LNPEP: variants seen among roughly 807,000 people sequenced by gnomAD.
LNPEP encodes the protein leucyl and cystinyl aminopeptidase, also known as leucyl-cystinyl aminopeptidase.
Under a neutral mutation model 120.6 loss-of-function variants are expected in LNPEP, and 64 were observed. That is an observed-to-expected ratio of 0.53 (90% CI 0.43 to 0.65). The LOEUF (loss-of-function observed/expected upper bound fraction) is 0.65, where lower values mean the gene tolerates loss of function less well. LNPEP is among the 30% of genes least tolerant of loss of function. The probability of loss-of-function intolerance (pLI) is 0.00; values close to 1 mark genes in which losing one functional copy is unlikely to be tolerated. For synonymous variants in LNPEP, 435 were observed against 425.4 expected (o/e 1.02, Z -0.28); for missense variants, 1,057 against 1,200.0 (o/e 0.88, Z 1.76).
Position 96,936,132 on chromosome 5 carries a change from G to C in LNPEP, c.-24G>C, listed in dbSNP as rs746462070. On this transcript the variant is annotated 5_prime_UTR_variant, in exon 1 of 18. Coordinates refer to ENST00000231368, the MANE Select transcript of LNPEP (RefSeq NM_005575.3). ...AGTAGGAAGCTCGGGCGCTCCGGCT[G>C]TAAGGAGCCGCGGCGGGGGGAAAAT... 5.0e-5 allele frequency: 75 copies of C among 1,513,560 alleles called. No individual in the cohort carries two copies. The highest frequency in any genetic ancestry group is 6.1e-5 in the Non-Finnish European group (69 of 1,131,510). The allele number at this position is 1,513,560 out of a possible 1,614,324, so 93.8% of individuals were successfully genotyped here.
intron 1 of LNPEP, among the ~76,000 whole-genome samples, chr5:96,942,549 G>A (rs1789080340): frequency 2.0e-5 from 3 of 151,794 alleles, no homozygotes; most frequent in African/African-American, 7.3e-5. Context: ...AGCTACTCGG[G>A]AGGCTGAGGC....
At chr5:97,003,661 G>A (rs1790708450) in intron 9 of LNPEP, 115 bp downstream of exon 9, 2 of 602,912 alleles carry the variant, frequency 3.3e-6, no homozygotes, top group Non-Finnish European at 5.2e-6. Context: ...AGTTATTTAA[G>A]AAAGGGGGGG....
intron 8 of LNPEP, 144 bp downstream of exon 8, chr5:96,998,289 T>C (rs1056237811): frequency 1.5e-6 from 1 of 689,040 alleles, no homozygotes; most frequent in Admixed American, 3.9e-5. Flanking sequence ...TTTGCTTCTG[T>C]ATAAATCTTG....
chr5:96,985,660 T>G (rs2112615563), intron 3 of LNPEP, among the ~76,000 whole-genome samples: 1 of 152,264 alleles, frequency 6.6e-6, no homozygotes, highest in South Asian at 2.1e-4. Flanking sequence ...AACAGGAGCC[T>G]CTTTCTTAGA....
intron 6 of LNPEP, 57 bp from the exon 7 acceptor site, chr5:96,996,333 T>G: frequency 1.0e-6 from 1 of 967,724 alleles, no homozygotes; most frequent in African/African-American, 1.6e-5. Context: ...GCCAATTATT[T>G]AAAAAATTCC....
At chr5:97,019,156 ATTG>A (rs1791130536) in intron 13 of LNPEP, among the ~76,000 whole-genome samples, 2 of 152,276 alleles carry the variant, frequency 1.3e-5, no homozygotes, top group Non-Finnish European at 1.5e-5. Flanking sequence ...ATAATTTTAT[ATTG>A]TTGTTATTGC....
chr5:96,941,753 T>C (rs1789060642), intron 1 of LNPEP, among the ~76,000 whole-genome samples: 1 of 152,196 alleles, frequency 6.6e-6, no homozygotes, highest in South Asian at 2.1e-4. Context: ...ATTGTTGTAA[T>C]TCATTTGTGA....
intron 11 of LNPEP, among the ~76,000 whole-genome samples, chr5:97,013,381 ATC>A (rs1478581190): frequency 2.0e-5 from 3 of 152,048 alleles, no homozygotes; most frequent in African/African-American, 7.2e-5. Flanking sequence ...AGACTGTGAG[ATC>A]TCTAAAAGCA....
intron 1 of LNPEP, chr5:96,936,420 C>T: frequency 2.5e-6 from 1 of 394,312 alleles, no homozygotes. Context: ...GGGGTGCGGC[C>T]GGTGGGCAAA....
chr5:97,006,046 T>TTAGATA, intron 9 of LNPEP, 27 bp from the exon 10 acceptor site: 1 of 702,382 alleles, frequency 1.4e-6, no homozygotes, highest in South Asian at 5.7e-5. Context: ...GGAAAAAGTT[T>TTAGATA]TATATATATA....
chr5:96,987,548 A>G lies in LNPEP; in HGVS notation c.1131+878A>G, dbSNP rs116048056. Among the ~76,000 whole-genome samples the G allele has an allele frequency of 8.3e-3, 1,258 of 152,324 alleles. 23 individuals carry two copies. Among genetic ancestry groups the G allele is most frequent in the African/African-American group, 0.028 (1,181 of 41,578 alleles). On this transcript the variant is annotated intron_variant, in intron 4 of 17. Coordinates refer to ENST00000231368, the MANE Select transcript of LNPEP (RefSeq NM_005575.3). ...TATCATTTTGCTACTTCAAAAGGGT[A>G]TATGTTTCCTATTAGAAAAGACTAT...
chr5:96,946,947 T>C (rs1376031097), intron 1 of LNPEP, among the ~76,000 whole-genome samples: 1 of 152,252 alleles, frequency 6.6e-6, no homozygotes, highest in Non-Finnish European at 1.5e-5. Flanking sequence ...TTCAGTGATA[T>C]GCATTCTTTG....
chr5:97,022,992 A>G (rs1262843521), intron 14 of LNPEP, among the ~76,000 whole-genome samples: 1 of 151,614 alleles, frequency 6.6e-6, no homozygotes, highest in South Asian at 2.1e-4. Flanking sequence ...GCATATTCAC[A>G]TTATTGTGTA....
chr5:96,986,704 G>C, intron 4 of LNPEP, 34 bp downstream of exon 4: 1 of 1,607,524 alleles, frequency 6.2e-7, no homozygotes, highest in Non-Finnish European at 8.5e-7. Flanking sequence ...GAAAGCCTGT[G>C]TCACAAGAGG....
chr5:96,951,298 A>G (rs893979601), intron 1 of LNPEP, among the ~76,000 whole-genome samples: 6 of 151,594 alleles, frequency 4.0e-5, no homozygotes, highest in Non-Finnish European at 8.8e-5. Context: ...TTGCTCTGCC[A>G]CCCAGGCTGG....
chr5:96,980,999 G>GAACACAATCCC (rs1790109512), intron 2 of LNPEP, among the ~76,000 whole-genome samples: 1 of 152,098 alleles, frequency 6.6e-6, no homozygotes, highest in Non-Finnish European at 1.5e-5. Context: ...ATTCTTGCGT[G>GAACACAATCCC]AGATCTGGGA....
At chr5:96,998,333 T>C (rs549764498) in intron 8 of LNPEP, among the ~76,000 whole-genome samples, 188 bp downstream of exon 8, 195 of 152,296 alleles carry the variant, frequency 1.3e-3, no homozygotes, top group African/African-American at 4.5e-3. Flanking sequence ...TTTCTTTCTC[T>C]GACTCTAACT....
intron 16 of LNPEP, 101 bp downstream of exon 16, chr5:97,026,858 G>A: frequency 2.1e-6 from 2 of 935,352 alleles, no homozygotes; most frequent in Non-Finnish European, 3.3e-6. Flanking sequence ...TTTGCTGTGA[G>A]AGGAAAAATA....
intron 4 of LNPEP, among the ~76,000 whole-genome samples, chr5:96,992,194 T>C (rs1428564393): frequency 6.6e-6 from 1 of 152,164 alleles, no homozygotes; most frequent in Admixed American, 6.6e-5. Flanking sequence ...TGCAATTTAA[T>C]AATAAGGATG....
Sources: allele counts gnomAD v4.1 joint callset (sites outside exome capture counted in the v4.1 genomes callset), GRCh38; gene constraint gnomAD v4.1.1; transcripts MANE v1.5; gene names NCBI Gene and HGNC (gene_info 2026-07-23, HGNC 2026-07-21).